FRAS1: variants seen among roughly 807,000 people sequenced by gnomAD.
FRAS1 encodes the protein Fraser extracellular matrix complex subunit 1.
FRAS1 carries 290 observed loss-of-function variants against 435.2 expected under a neutral mutation model. That is an observed-to-expected ratio of 0.67 (90% CI 0.61 to 0.73). The LOEUF (loss-of-function observed/expected upper bound fraction) is 0.73. FRAS1 is among the 30% of genes least tolerant of loss of function. The pLI, the probability that FRAS1 is intolerant of heterozygous loss-of-function variation, is 0.00. For missense variants in FRAS1, 4,860 were observed against 5,001.5 expected (o/e 0.97, Z 0.85); for synonymous variants, 1,800 against 1,851.0 (o/e 0.97, Z 0.71).
intron 17 of FRAS1, among the ~76,000 whole-genome samples, chr4:78,318,008 T>C (rs1165787640): frequency 1.3e-5 from 2 of 152,144 alleles, no homozygotes; most frequent in East Asian, 1.9e-4. Flanking sequence ...AACTAGAATA[T>C]TGGGAACAAA....
chr4:78,172,698 AT>A (rs1179660971), intron 2 of FRAS1, among the ~76,000 whole-genome samples: 13 of 151,960 alleles, frequency 8.6e-5, no homozygotes, highest in Admixed American at 8.5e-4. Flanking sequence ...TTTCAGTTTT[AT>A]TTTTTAATAT....
chr4:78,383,007 C>T (rs1234085680), intron 27 of FRAS1, among the ~76,000 whole-genome samples: 1 of 152,130 alleles, frequency 6.6e-6, no homozygotes, highest in Non-Finnish European at 1.5e-5. Context: ...ACTTTTAAAA[C>T]AATGGTCCCT....
Position 78,534,731 on chromosome 4 carries a change from T to A in FRAS1, c.11092+116T>A, listed in dbSNP as rs78536320. 1.3e-3 allele frequency: 1,263 copies of A among 954,072 alleles called. 18 individuals are homozygous for A. In the East Asian group the frequency reaches 0.031, roughly 24 times the overall value. 59.1% of individuals were successfully genotyped at this position (954,072 alleles called of 1,614,324 possible). A position where few individuals can be genotyped will look rare whatever the true frequency, so the allele number is the denominator to read the frequency against. On this transcript the variant is annotated intron_variant, in intron 71 of 73. Coordinates refer to ENST00000512123, the MANE Select transcript of FRAS1 (RefSeq NM_025074.7). ...CTCTCAGTCACCACCCCAGTAAAGATCCCCCAGGGTTGGTTCCAGGACAGC... is the reference window on the plus strand; with the variant it reads ...CTCTCAGTCACCACCCCAGTAAAGAACCCCCAGGGTTGGTTCCAGGACAGC...
At chr4:78,401,581 G>A (rs1481232060) in intron 30 of FRAS1, among the ~76,000 whole-genome samples, 1 of 152,124 alleles carries the variant, frequency 6.6e-6, no homozygotes, top group Admixed American at 6.5e-5. Flanking sequence ...TCCATGCGGA[G>A]ACAGAGCATT....
intron 47 of FRAS1, among the ~76,000 whole-genome samples, chr4:78,454,612 T>A (rs1332315205): frequency 1.3e-5 from 2 of 152,318 alleles, no homozygotes; most frequent in East Asian, 3.9e-4. Flanking sequence ...TCTGTGAGGC[T>A]GCTGATTGTA....
At chr4:78,389,392 T>C (rs758481277) in intron 29 of FRAS1, among the ~76,000 whole-genome samples, 1 of 152,240 alleles carries the variant, frequency 6.6e-6, no homozygotes, top group Non-Finnish European at 1.5e-5. Context: ...ATTGATCCGA[T>C]TGAGCCTCAT....
intron 70 of FRAS1, among the ~76,000 whole-genome samples, chr4:78,534,087 C>G (rs1721804991): frequency 6.6e-6 from 1 of 152,098 alleles, no homozygotes; most frequent in African/African-American, 2.4e-5. Context: ...TTGAAAGAGT[C>G]AAAGCCTCAG....
chr4:78,126,022 T>C (rs537585818), intron 2 of FRAS1, among the ~76,000 whole-genome samples: 2 of 152,322 alleles, frequency 1.3e-5, no homozygotes, highest in African/African-American at 4.8e-5. Flanking sequence ...CTTGCTGAGC[T>C]GCAGTGGGCT....
intron 20 of FRAS1, among the ~76,000 whole-genome samples, chr4:78,356,344 CT>C (rs1178372861): frequency 3.3e-5 from 5 of 152,196 alleles, no homozygotes; most frequent in Middle Eastern, 3.4e-3. Flanking sequence ...CTCCAATAAC[CT>C]TTTCCCCCCT....
At chr4:78,168,410 T>C (rs1473797536) in intron 2 of FRAS1, among the ~76,000 whole-genome samples, 1 of 152,060 alleles carries the variant, frequency 6.6e-6, no homozygotes, top group African/African-American at 2.4e-5. Flanking sequence ...TTTCTTTTTT[T>C]TTAGCGTAGC....
rs183918198 is a variant in FRAS1 at position 78,307,114 on chromosome 4, G to A, written c.1535-952G>A. Among the ~76,000 whole-genome samples the A allele has an allele frequency of 2.3e-3, 344 of 152,046 alleles. 1 individual carries two copies. The Middle Eastern group carries it at 0.024, about 11-fold the overall frequency. ...GACCCTCAGCTTCAGGTCTGTTGGA[G>A]TACCCGGCACTGTGAGGTGTCAGTC... On this transcript the variant is annotated intron_variant, in intron 14 of 73. Coordinates refer to ENST00000512123, the MANE Select transcript of FRAS1 (RefSeq NM_025074.7).
In FRAS1 at chr4:78,363,662, A is replaced by G. The variant is rs1395628149; in HGVS notation, c.2572A>G (p.Lys858Glu). ...SGYYAERGAC[K>E]KCHSSCRTCQ... is the part of the protein sequence containing the mutation. ...ATACTATGCAGAGAGAGGAGCTTGTAAAAGTGAGTAAGTGCTGGACTCAGG... is the reference window on the plus strand; with the variant it reads ...ATACTATGCAGAGAGAGGAGCTTGTGAAAGTGAGTAAGTGCTGGACTCAGG... Residue 858 changes from lysine (K) to glutamate (E), a missense_variant, in exon 21 of 74, where the codon AAA (lysine) becomes GAA (glutamate). Lys to Glu is a moderately conservative substitution (Grantham distance 56). Transcript: ENST00000512123. 1.3e-6 allele frequency: 2 copies of G among 1,582,892 alleles called. No homozygotes were observed. The highest frequency in any genetic ancestry group is 1.2e-5 in the South Asian group (1 of 86,336).
At chr4:78,345,864 TAAAAA>T (rs5859617) in intron 20 of FRAS1, among the ~76,000 whole-genome samples, 1 of 148,826 alleles carries the variant, frequency 6.7e-6, no homozygotes, top group East Asian at 2.0e-4. Context: ...CTTCCTAAAT[TAAAAA>T]AAAAAAAAAA....
intron 29 of FRAS1, among the ~76,000 whole-genome samples, chr4:78,392,579 C>T (rs554686903): frequency 6.6e-6 from 1 of 152,012 alleles, no homozygotes. Context: ...AATGGCTAAG[C>T]TTTATTACCA....
At chr4:78,284,736 C>A (rs1343551577) in intron 13 of FRAS1, among the ~76,000 whole-genome samples, 188 bp downstream of exon 13, 6 of 152,200 alleles carry the variant, frequency 3.9e-5, no homozygotes, top group Non-Finnish European at 8.8e-5. Context: ...CTTGCCCTCT[C>A]TACCTGCAGG....
rs1719530110 is a variant in FRAS1 at position 78,466,391 on chromosome 4, G to A, written c.7213G>A (p.Asp2405Asn). ...GGACCGGTTCACCTTCACTGTTTCT[G>A]ATGGGACAAACCCCTTCTTTATCAT... is the stretch of plus-strand genomic sequence containing the variant. ...LKDRFTFTVS[D>N]GTNPFFIIEE... Residue 2405 changes from aspartate to asparagine, a missense_variant, in exon 50 of 74, where the codon GAT becomes AAT. Asp to Asn is a conservative substitution (Grantham distance 23). Transcript: ENST00000512123. 2.5e-6 allele frequency: 4 copies of A among 1,613,932 alleles called. No individual in the cohort carries two copies. Among genetic ancestry groups the A allele is most frequent in the Non-Finnish European group, 3.4e-6 (4 of 1,179,852 alleles).
At chr4:78,411,315 T>C (rs1052193007) in intron 31 of FRAS1, among the ~76,000 whole-genome samples, 1 of 152,126 alleles carries the variant, frequency 6.6e-6, no homozygotes, top group Non-Finnish European at 1.5e-5. Context: ...TTTCACCATG[T>C]TGGCCAGGCT....
intron 64 of FRAS1, 81 bp downstream of exon 64, chr4:78,511,587 T>A: frequency 9.9e-7 from 1 of 1,011,492 alleles, no homozygotes; most frequent in Non-Finnish European, 1.5e-6. Context: ...GGACAATCAA[T>A]AAGGGATGCT....
At position 78,511,338 on chromosome 4, in the gene FRAS1, A is replaced by G. The variant is rs527476410; in HGVS notation, c.9845A>G (p.Lys3282Arg). Residue 3282 changes from lysine (K) to arginine (R), a missense_variant, in exon 64 of 74, where the codon AAG becomes AGG. Physicochemically the swap from Lys to Arg is conservative, Grantham distance 26 (BLOSUM62 2). Transcript: ENST00000512123. ...CGTTGTGTGGCCAAGGCTGTGGACAAGGTGGGCCATGTGGGGACCCCCTTA... is the reference window on the plus strand; with the variant it reads ...CGTTGTGTGGCCAAGGCTGTGGACAGGGTGGGCCATGTGGGGACCCCCTTA... ...HVRCVAKAVD[K>R]VGHVGTPLRS... 1.1e-5 allele frequency: 17 copies of G among 1,613,448 alleles called. No homozygotes were observed. The East Asian group carries it at 3.6e-4, about 34-fold the overall frequency.
Sources: gnomAD v4.1 joint callset for allele counts (sites outside exome capture counted in the v4.1 genomes callset) on GRCh38, gnomAD v4.1.1 for gene constraint, MANE v1.5 for transcripts, NCBI Gene and HGNC (gene_info 2026-07-23, HGNC 2026-07-21) for gene names.